The following FOCAD variants were observed in gnomAD, a reference collection of about 807,000 sequenced individuals.
The protein encoded by FOCAD is KIAA1797.
In FOCAD, 198 loss-of-function variants were observed where a neutral mutation model predicts 225.6. The ratio of observed to expected loss-of-function variants is 0.88; its 90% CI spans 0.78 to 0.99. The LOEUF is 0.99. FOCAD is among the 50% of genes least tolerant of loss of function. The pLI is 0.00. For missense variants in FOCAD, 2,713 were observed against 2,123.6 expected (o/e 1.28, Z -5.46); for synonymous variants, 897 against 755.0 (o/e 1.19, Z -3.08).
At chr9:20,793,985 T>G (rs1038017177) in intron 11 of FOCAD, among the ~76,000 whole-genome samples, 8 of 152,220 alleles carry the variant, frequency 5.3e-5, no homozygotes, top group Non-Finnish European at 1.0e-4. Context: ...TAAGTTGACA[T>G]GTCTCATCAT....
chr9:20,804,015 C>G (rs1822132738), intron 11 of FOCAD, among the ~76,000 whole-genome samples: 1 of 152,094 alleles, frequency 6.6e-6, no homozygotes, highest in Non-Finnish European at 1.5e-5. Context: ...GAGATAATCT[C>G]AAGTTTAGGC....
At chr9:20,745,714 G>A (rs1480076101) in intron 5 of FOCAD, among the ~76,000 whole-genome samples, 1 of 152,180 alleles carries the variant, frequency 6.6e-6, no homozygotes, top group African/African-American at 2.4e-5. Context: ...GTGCCAGACA[G>A]TGGCTGACAT....
rs1432903362 is a variant in FOCAD at position 20,952,977 on chromosome 9, C to T, written c.4052-8C>T. 1 of 1,610,842 alleles carries T rather than the reference C, an allele frequency of 6.2e-7. No individual in the cohort carries two copies. Among genetic ancestry groups the T allele is most frequent in the Admixed American group, 1.7e-5 (1 of 59,866 alleles). On this transcript the variant is annotated splice_polypyrimidine_tract_variant and splice_region_variant and intron_variant, in intron 34 of 43. Coordinates refer to ENST00000338382, the MANE Select transcript of FOCAD (RefSeq NM_001375567.1). ...ACTGGTTAATTTGATCATTTTCTGT[C>T]TCCACAGTTCCTACTGACTATAGCT...
At chr9:20,909,861 A>G (rs145062799) in intron 22 of FOCAD, among the ~76,000 whole-genome samples, 2 of 152,224 alleles carry the variant, frequency 1.3e-5, no homozygotes, top group East Asian at 3.9e-4. Flanking sequence ...CGGTCCTAGA[A>G]GACACTTTTT....
At position 20,778,702 on chromosome 9, in the gene FOCAD, A is replaced by T; in HGVS notation, c.928A>T (p.Ile310Leu). 6.2e-7 allele frequency: 1 copy of T among 1,611,212 alleles called. No homozygotes were observed. Among genetic ancestry groups the T allele is most frequent in the Non-Finnish European group, 8.5e-7 (1 of 1,177,788 alleles). Residue 310 changes from isoleucine to leucine, a missense_variant, in exon 9 of 44, where the codon ATA becomes TTA. Coordinates refer to ENST00000338382, the MANE Select transcript of FOCAD (RefSeq NM_001375567.1). ...TTAGGATTTTCCTGTTGAACTGGTC[A>T]TAATTGGAATAGCTTTACTACTTCT... is the stretch of plus-strand genomic sequence containing the variant. ...LKEDFPVELV[I>L]IGIALLLLQT...
intron 15 of FOCAD, among the ~76,000 whole-genome samples, chr9:20,838,179 A>G (rs143661018): frequency 4.7e-4 from 72 of 152,206 alleles, no homozygotes; most frequent in African/African-American, 1.6e-3. Context: ...TGTGGTCTGT[A>G]CTATTAGTTG....
intron 19 of FOCAD, among the ~76,000 whole-genome samples, chr9:20,878,037 T>C (rs1185376900): frequency 6.6e-6 from 1 of 152,200 alleles, no homozygotes; most frequent in Non-Finnish European, 1.5e-5. Flanking sequence ...CTACTTATTG[T>C]GGAAGTTTCA....
chr9:20,721,530 T>C (rs1196859742), intron 4 of FOCAD, among the ~76,000 whole-genome samples: 1 of 152,014 alleles, frequency 6.6e-6, no homozygotes, highest in Non-Finnish European at 1.5e-5. Context: ...GATGAGACTG[T>C]GTCTCTACTA....
intron 2 of FOCAD, among the ~76,000 whole-genome samples, chr9:20,662,697 G>T (rs1233294524): frequency 6.6e-6 from 1 of 151,926 alleles, no homozygotes; most frequent in Non-Finnish European, 1.5e-5. Context: ...TGGGCTCCCT[G>T]CCTTGGTCTC....
chr9:20,938,301 T>C (rs1836220870), intron 28 of FOCAD, among the ~76,000 whole-genome samples: 2 of 152,106 alleles, frequency 1.3e-5, no homozygotes, highest in African/African-American at 4.8e-5. Context: ...TGCGGCACTA[T>C]TCACAATAGC....
intron 1 of FOCAD, among the ~76,000 whole-genome samples, chr9:20,693,988 G>T (rs1823141741): frequency 6.6e-6 from 1 of 152,216 alleles, no homozygotes; most frequent in Admixed American, 6.5e-5. Flanking sequence ...TGGGATTGCA[G>T]GTGTGAGCCA....
intron 10 of FOCAD, chr9:20,787,053 AT>A (rs1819995845): frequency 2.5e-6 from 1 of 401,080 alleles, no homozygotes; most frequent in Non-Finnish European, 4.9e-6. Context: ...CAATGGGACA[AT>A]TTCTCCTGCT....
chr9:20,721,361 T>G (rs1337664261), intron 4 of FOCAD, among the ~76,000 whole-genome samples: 98 of 152,244 alleles, frequency 6.4e-4, no homozygotes, highest in Non-Finnish European at 4.4e-5. Flanking sequence ...AGTACTTAAT[T>G]TTTTTCCCTG....
chr9:20,716,312 C>G (rs77014292), intron 2 of FOCAD: 1 of 211,704 alleles, frequency 4.7e-6, no homozygotes. Flanking sequence ...AATGCCCATA[C>G]GTGTTACTGT....
chr9:20,931,473 T>G (rs1418730350), intron 27 of FOCAD, among the ~76,000 whole-genome samples: 1 of 152,208 alleles, frequency 6.6e-6, no homozygotes, highest in Non-Finnish European at 1.5e-5. Flanking sequence ...AATAAATTTT[T>G]TACCAGGTAG....
At chr9:20,656,369 C>T (rs1821475992), upstream of FOCAD, among the ~76,000 whole-genome samples, 1 of 151,770 alleles carries the variant, frequency 6.6e-6, no homozygotes, top group Admixed American at 6.6e-5. Flanking sequence ...CTAATGTTGA[C>T]AGTGGGGTGT....
At position 20,920,055 on chromosome 9, in the gene FOCAD, CCTA is replaced by C. The variant is rs571719243; in HGVS notation, c.2852+3121_2852+3123del. Among the ~76,000 whole-genome samples, 482 of 152,218 alleles carry C rather than the reference CCTA, an allele frequency of 3.2e-3. 8 individuals carry two copies. Among genetic ancestry groups the C allele is most frequent in the South Asian group, 0.029 (138 of 4,816 alleles). On this transcript the variant is annotated intron_variant, in intron 24 of 43. Transcript: ENST00000338382. The stretch of plus-strand genomic sequence containing the variant: ...ACAAAATGGGAGAAAATTTTCTCAA[CCTA>C]CTCATCTGACAAAGGGCTAATATCC...
chr9:20,770,305 T>C, intron 8 of FOCAD, 67 bp downstream of exon 8: 1 of 1,404,392 alleles, frequency 7.1e-7, no homozygotes. Context: ...CTTGGTAATT[T>C]ATAAAGAAAT....
At chr9:20,723,674 C>T (rs993901208) in intron 4 of FOCAD, among the ~76,000 whole-genome samples, 6 of 152,272 alleles carry the variant, frequency 3.9e-5, no homozygotes, top group African/African-American at 1.4e-4. Flanking sequence ...TGTGTATTTA[C>T]ATGTATATTT....
Sources: allele counts gnomAD v4.1 joint callset (sites outside exome capture counted in the v4.1 genomes callset), GRCh38; gene constraint gnomAD v4.1.1; transcripts MANE v1.5; gene names NCBI Gene and HGNC (gene_info 2026-07-23, HGNC 2026-07-21).